TRIM11: variants seen among roughly 807,000 people sequenced by gnomAD.
TRIM11 encodes tripartite motif containing 11.
A neutral mutation model predicts 33.4 loss-of-function variants in TRIM11; 15 were observed. The observed-to-expected ratio is 0.45, with a 90% CI of 0.30 to 0.69. The LOEUF (loss-of-function observed/expected upper bound fraction) is 0.69. Among genes scored for constraint, TRIM11 ranks in the 30% least tolerant of loss-of-function variants. The pLI is 0.08. For synonymous variants in TRIM11, 281 were observed against 302.6 expected (o/e 0.93, Z 0.74); for missense variants, 499 against 667.6 (o/e 0.75, Z 2.78).
In TRIM11 at chr1:228,394,742, G is replaced by A. The variant is rs866184649; in HGVS notation, c.1370C>T (p.Pro457Leu). The change falls in exon 6 of 6, where the codon CCG becomes CTG. Residue 457 changes from proline to leucine, a missense_variant. By Grantham distance (98) the Pro-to-Leu change is moderately conservative (BLOSUM62 -3). Transcript: ENST00000284551. The surrounding 1 kb of genome is among the most constrained non-coding windows in gnomAD (Gnocchi z 6.2). ...CAGGGTGTCCCCGGACCCACCTTTC[G>A]GCCGGCAGATAGTCATCGGGGTCGG... ...SSPTPMTICR[P>L]KGGSGDTLAP... 12 of 1,610,954 alleles carry A rather than the reference G, an allele frequency of 7.4e-6. No homozygotes were observed. The highest frequency in any genetic ancestry group is 4.5e-5 in the East Asian group (2 of 44,742).
rs1325798660 is a variant in TRIM11 at position 228,401,683 on chromosome 1, A to C, written c.504+383T>G. On this transcript the variant is annotated intron_variant, in intron 2 of 5. Coordinates refer to ENST00000284551, the MANE Select transcript of TRIM11 (RefSeq NM_145214.3). The surrounding 1 kb of genome is among the most constrained non-coding windows in gnomAD (Gnocchi z 6.1). Reference sequence around the variant, plus strand: ...CACCACCCAGAGCCTCCCAGACCCCAAATCTACCCCAGAACTGGACAGATC... The same window carrying C: ...CACCACCCAGAGCCTCCCAGACCCCCAATCTACCCCAGAACTGGACAGATC... Among the ~76,000 whole-genome samples the C allele has an allele frequency of 6.6e-6, 1 of 151,918 alleles. No individual in the cohort carries two copies. Among genetic ancestry groups the C allele is most frequent in the African/African-American group, 2.4e-5 (1 of 41,318 alleles).
rs1656432621 is a variant in TRIM11, at chr1:228,406,724, A to G, written c.-163T>C. 3 of 578,904 alleles carry G rather than the reference A, an allele frequency of 5.2e-6. No individual in the cohort carries two copies. Among genetic ancestry groups the G allele is most frequent in the Non-Finnish European group, 7.7e-6 (3 of 392,142 alleles). The allele number at this position is 578,904 out of a possible 1,614,324, so 35.9% of individuals were successfully genotyped here. The stretch of plus-strand genomic sequence containing the variant: ...GGTGCTCGGGCTCCGGGGCGCGGGG[A>G]CTCCAGGGCGCAGGACTCTGGGTTT... On this transcript the variant is annotated 5_prime_UTR_variant, in exon 1 of 6. Transcript: ENST00000284551. The surrounding 1 kb of genome is among the most constrained non-coding windows in gnomAD (Gnocchi z 8.2).
In TRIM11 at chr1:228,400,773, G is replaced by A. The variant is rs1170011970; in HGVS notation, c.735+191C>T. 6.6e-6 allele frequency among the ~76,000 whole-genome samples: 1 copy of A among 152,164 alleles called. No individual in the cohort carries two copies. The highest frequency in any genetic ancestry group is 1.5e-5 in the Non-Finnish European group (1 of 68,010). On this transcript the variant is annotated intron_variant, in intron 3 of 5. Coordinates refer to ENST00000284551, the MANE Select transcript of TRIM11 (RefSeq NM_145214.3). This position sits in a 1 kb window ranked among gnomAD's most constrained non-coding sequence, Gnocchi z 4.5. ...TCCCTTTCTCGGCACGTGGGTTTTG[G>A]GGGTGGGACATCTGTCCTGCTGCTG...
rs933946390 is a variant in TRIM11 at position 228,401,309 on chromosome 1, G to C, written c.505-115C>G. 2.0e-5 allele frequency: 26 copies of C among 1,316,320 alleles called. No homozygotes were observed. Among genetic ancestry groups the C allele is most frequent in the Non-Finnish European group, 2.5e-5 (24 of 972,014 alleles). The allele number at this position is 1,316,320 out of a possible 1,614,324, so 81.5% of individuals were successfully genotyped here. On this transcript the variant is annotated intron_variant, in intron 2 of 5. Coordinates refer to ENST00000284551, the MANE Select transcript of TRIM11 (RefSeq NM_145214.3). The surrounding 1 kb of genome is among the most constrained non-coding windows in gnomAD (Gnocchi z 6.1). ...CCTGGCTGCACCCAACCCCACCCCC[G>C]GGGCCTGCTAAAGCCAAAGCACAGC...
In TRIM11 at chr1:228,397,002, C is replaced by T; in HGVS notation, c.804G>A (p.Glu268=). ...CCGGGACCCTGCACACGGTCCTCAG[C>T]TCCATAGGCACAACTTCTGGGGGCT... ...KLQPPEVVPM[E]LRTVCRVPGL... The change falls in exon 5 of 6, where the codon GAG becomes GAA. Residue 268 remains glutamate, a synonymous_variant. Transcript: ENST00000284551. The T allele has an allele frequency of 2.5e-6, 4 of 1,614,106 alleles. No homozygotes were observed. The highest frequency in any genetic ancestry group is 3.4e-6 in the Non-Finnish European group (4 of 1,180,010).
At position 228,406,348 on chromosome 1, in the gene TRIM11, C is replaced by A; in HGVS notation, c.214G>T (p.Ala72Ser). Reference sequence around the variant, plus strand: ...CGCCGCGCCATCTCGGCCATCTTAGCAAGCGGGCGGTTGGGCCGCAGGTTC... The same window carrying A: ...CGCCGCGCCATCTCGGCCATCTTAGAAAGCGGGCGGTTGGGCCGCAGGTTC... ...QRNLRPNRPL[A>S]KMAEMARRLH... is the part of the protein sequence containing the mutation. Residue 72 changes from alanine to serine, a missense_variant, in exon 1 of 6, where the codon GCT becomes TCT. Coordinates refer to ENST00000284551, the MANE Select transcript of TRIM11 (RefSeq NM_145214.3). This position sits in a 1 kb window ranked among gnomAD's most constrained non-coding sequence, Gnocchi z 8.2. The A allele has an allele frequency of 6.7e-7, 1 of 1,488,726 alleles. No homozygotes were observed. Among genetic ancestry groups the A allele is most frequent in the Non-Finnish European group, 8.9e-7 (1 of 1,120,618 alleles). The allele number at this position is 1,488,726 out of a possible 1,614,324, so 92.2% of individuals were successfully genotyped here. A position where few individuals can be genotyped will look rare whatever the true frequency, so the allele number is the denominator to read the frequency against.
In TRIM11 at chr1:228,400,386, G is replaced by A. The variant is rs1656143544; in HGVS notation, c.735+578C>T. On this transcript the variant is annotated intron_variant, in intron 3 of 5. Transcript: ENST00000284551. The surrounding 1 kb of genome is among the most constrained non-coding windows in gnomAD (Gnocchi z 4.5). ...ACCTGCCGCCAGGCCACAGGCCAGG[G>A]CGTCCACTGGTTCTGGTTTGGGGGT... is the stretch of plus-strand genomic sequence containing the variant. 6.6e-6 allele frequency among the ~76,000 whole-genome samples: 1 copy of A among 152,238 alleles called. No individual in the cohort carries two copies. The highest frequency in any genetic ancestry group is 2.4e-5 in the African/African-American group (1 of 41,476).
intron 3 of TRIM11, among the ~76,000 whole-genome samples, chr1:228,398,360 A>G (rs1166902933): frequency 6.6e-6 from 1 of 152,180 alleles, no homozygotes; most frequent in Non-Finnish European, 1.5e-5. Flanking sequence ...TTTTTTAAAA[A>G]GGAGGCCAGC....
chr1:228,402,096 G>T lies in TRIM11; in HGVS notation c.474C>A (p.Ala158=). ...ACAAGACGCAGGTCTCATCCGCCTG[G>T]GCTTGGAACAGCAACGCATCCTGCA... is the stretch of plus-strand genomic sequence containing the variant. The part of the protein sequence containing the change: ...KQMQDALLFQ[A]QADETCVLWQ... Residue 158 remains alanine (A), a synonymous_variant, in exon 2 of 6, where the codon GCC becomes GCA. Coordinates refer to ENST00000284551, the MANE Select transcript of TRIM11 (RefSeq NM_145214.3). 1 of 1,613,314 alleles carries T rather than the reference G, an allele frequency of 6.2e-7. No individual in the cohort carries two copies. The highest frequency in any genetic ancestry group is 8.5e-7 in the Non-Finnish European group (1 of 1,179,616).
At chr1:228,397,345 G>A (rs2149090887) in intron 3 of TRIM11, 180 bp from the exon 4 acceptor site, 2 of 685,508 alleles carry the variant, frequency 2.9e-6, no homozygotes, top group East Asian at 2.7e-5. Context: ...AGGAATGCTG[G>A]ACAGAGGCTC....
rs769131793 is a variant in TRIM11 at position 228,395,183 on chromosome 1, T to C, written c.929A>G (p.Gln310Arg). The C allele has an allele frequency of 1.3e-6, 2 of 1,512,290 alleles. No individual in the cohort carries two copies. Among genetic ancestry groups the C allele is most frequent in the East Asian group, 2.3e-5 (1 of 43,528 alleles). The allele number at this position is 1,512,290 out of a possible 1,614,324, so 93.7% of individuals were successfully genotyped here. Residue 310 changes from glutamine to arginine, a missense_variant, in exon 6 of 6, where the codon CAG (glutamine) becomes CGG (arginine). Gln to Arg is a conservative substitution (Grantham distance 43). Coordinates refer to ENST00000284551, the MANE Select transcript of TRIM11 (RefSeq NM_145214.3). The surrounding 1 kb of genome is among the most constrained non-coding windows in gnomAD (Gnocchi z 4.8). ...LILSEDRRSVQRGDLRQALPD... is the reference protein window; with the variant it reads ...LILSEDRRSVRRGDLRQALPD... Reference sequence around the variant, plus strand: ...CAGGGCCTGCCGTAGGTCCCCCCGCTGCACGCTCCGCCTGTCTTCAGACAG... The same window carrying C: ...CAGGGCCTGCCGTAGGTCCCCCCGCCGCACGCTCCGCCTGTCTTCAGACAG...
rs1037982911 is a variant in TRIM11 at position 228,397,056 on chromosome 1, G to A, written c.759-9C>T. 2.5e-6 allele frequency: 4 copies of A among 1,613,810 alleles called. No individual in the cohort carries two copies. The highest frequency in any genetic ancestry group is 3.4e-6 in the Non-Finnish European group (4 of 1,179,826). The stretch of plus-strand genomic sequence containing the variant: ...GCTTCACATCCTGGACCCTAGAGGG[G>A]ACAACCCAGGTGTTGTCGCCATGGC... On this transcript the variant is annotated splice_polypyrimidine_tract_variant and intron_variant, in intron 4 of 5. Transcript: ENST00000284551.
In TRIM11 at chr1:228,395,155, C is replaced by A. The variant is rs200056437; in HGVS notation, c.957G>T (p.Pro319=). ...CGGGGTCAAAGCGCTCTGGGCTGTCCGGCAGGGCCTGCCGTAGGTCCCCCC... is the reference window on the plus strand; with the variant it reads ...CGGGGTCAAAGCGCTCTGGGCTGTCAGGCAGGGCCTGCCGTAGGTCCCCCC... ...VQRGDLRQAL[P]DSPERFDPGP... The change falls in exon 6 of 6, where the codon CCG becomes CCT. Residue 319 remains proline, a synonymous_variant. Coordinates refer to ENST00000284551, the MANE Select transcript of TRIM11 (RefSeq NM_145214.3). This position sits in a 1 kb window ranked among gnomAD's most constrained non-coding sequence, Gnocchi z 4.8. 1 of 1,519,714 alleles carries A rather than the reference C, an allele frequency of 6.6e-7. No homozygotes were observed. The highest frequency in any genetic ancestry group is 1.4e-5 in the African/African-American group (1 of 72,450). 94.1% of individuals were successfully genotyped at this position (1,519,714 alleles called of 1,614,324 possible).
intron 5 of TRIM11, chr1:228,396,602 T>C (rs747408529): frequency 7.4e-6 from 5 of 673,844 alleles, no homozygotes; most frequent in South Asian, 5.0e-5. Context: ...CCCCTGGAAG[T>C]TGTGACTGGC....
intron 1 of TRIM11, chr1:228,405,939 C>A: frequency 2.2e-6 from 1 of 464,104 alleles, no homozygotes; most frequent in East Asian, 3.6e-5. Flanking sequence ...GTCCCAGCCT[C>A]AAGGGGCCTG....
Position 228,394,595 on chromosome 1 carries a change from C to T in TRIM11, c.*110G>A. 9 of 1,236,474 alleles carry T rather than the reference C, an allele frequency of 7.3e-6. No homozygotes were observed. The highest frequency in any genetic ancestry group is 9.9e-6 in the Non-Finnish European group (9 of 909,836). 76.6% of individuals were successfully genotyped at this position (1,236,474 alleles called of 1,614,324 possible). On this transcript the variant is annotated 3_prime_UTR_variant, in exon 6 of 6. Coordinates refer to ENST00000284551, the MANE Select transcript of TRIM11 (RefSeq NM_145214.3). This position sits in a 1 kb window ranked among gnomAD's most constrained non-coding sequence, Gnocchi z 6.2. ...GCTCAGAAAGGCACCAGGAGTTCCTCCTCTTGCTCAAAGGACACACTCCCT... is the reference window on the plus strand; with the variant it reads ...GCTCAGAAAGGCACCAGGAGTTCCTTCTCTTGCTCAAAGGACACACTCCCT...
intron 1 of TRIM11, chr1:228,404,128 T>A (rs1656319397): frequency 6.6e-6 from 1 of 152,286 alleles, no homozygotes; most frequent in African/African-American, 2.4e-5. Context: ...TAGTCAGAAC[T>A]GGGATGCTGG....
At position 228,397,037 on chromosome 1, in the gene TRIM11, C is replaced by A. The variant is rs369774692; in HGVS notation, c.769G>T (p.Val257Leu). 1.2e-5 allele frequency: 19 copies of A among 1,613,830 alleles called. No homozygotes were observed. Among genetic ancestry groups the A allele is most frequent in the Non-Finnish European group, 1.5e-5 (18 of 1,179,914 alleles). Residue 257 changes from valine to leucine, a missense_variant, in exon 5 of 6, where the codon GTG (valine) becomes TTG (leucine). Transcript: ENST00000284551. ...IKDALRRVQD[V>L]KLQPPEVVPM... ...ACAACTTCTGGGGGCTGCAGCTTCA[C>A]ATCCTGGACCCTAGAGGGGACAACC...
rs760018007 is a variant in TRIM11 at position 228,406,385 on chromosome 1, C to A, written c.177G>T (p.Leu59=). 2.6e-6 allele frequency: 4 copies of A among 1,539,428 alleles called. No individual in the cohort carries two copies. In the African/African-American group the frequency reaches 4.3e-5, roughly 16 times the overall value. The part of the protein sequence containing the change: ...GPYACPECRE[L]SPQRNLRPNR... ...TGGGCCGCAGGTTCCTCTGCGGGGA[C>A]AGCTCGCGGCACTCGGGGCACGCGT... is the stretch of plus-strand genomic sequence containing the variant. Residue 59 remains leucine (L), a synonymous_variant, in exon 1 of 6, where the codon CTG becomes CTT. Transcript: ENST00000284551. This position sits in a 1 kb window ranked among gnomAD's most constrained non-coding sequence, Gnocchi z 8.2.
Sources: gnomAD v4.1 joint callset for allele counts (sites outside exome capture counted in the v4.1 genomes callset) on GRCh38, gnomAD v4.1.1 for gene constraint, Gnocchi (gnomAD v3.1) non-coding constraint, MANE v1.5 for transcripts, NCBI Gene and HGNC (gene_info 2026-07-23, HGNC 2026-07-21) for gene names.